The following RAMP1 variants were observed in gnomAD, a reference collection of about 807,000 sequenced individuals.
The protein encoded by RAMP1 is receptor activity modifying protein 1.
RAMP1 carries 7 observed loss-of-function variants against 8.2 expected under a neutral mutation model. The observed-to-expected ratio is 0.85, with a 90% CI of 0.49 to 1.60. The LOEUF (loss-of-function observed/expected upper bound fraction) is 1.60. RAMP1 is among the 40% of genes most tolerant of loss of function. The pLI, the probability that RAMP1 is intolerant of heterozygous loss-of-function variation, is 0.00. For synonymous variants in RAMP1, 92 were observed against 84.7 expected (o/e 1.09, Z -0.47); for missense variants, 192 against 202.4 (o/e 0.95, Z 0.31).
chr2:237,902,486 G>A (rs978526197), intron 2 of RAMP1, among the ~76,000 whole-genome samples: 2 of 152,032 alleles, frequency 1.3e-5, no homozygotes, highest in Admixed American at 6.5e-5. Flanking sequence ...GGGGAACACA[G>A]CGAGGAGGAA....
intron 2 of RAMP1, among the ~76,000 whole-genome samples, chr2:237,903,369 T>C (rs1387063657): frequency 6.6e-6 from 1 of 152,232 alleles, no homozygotes; most frequent in African/African-American, 2.4e-5. Flanking sequence ...TTCCCAGTAA[T>C]GCAATTACGG....
At chr2:237,897,965 A>G (rs547331302) in intron 2 of RAMP1, among the ~76,000 whole-genome samples, 8 of 152,018 alleles carry the variant, frequency 5.3e-5, no homozygotes, top group African/African-American at 1.9e-4. Context: ...CGCCCAGCTA[A>G]TTTTTGTATT....
chr2:237,900,018 CTTTT>C (rs899382544), intron 2 of RAMP1, among the ~76,000 whole-genome samples: 18 of 152,162 alleles, frequency 1.2e-4, no homozygotes, highest in Admixed American at 1.1e-3. Flanking sequence ...GGAATTCCTC[CTTTT>C]TAAGTCGATA....
In RAMP1 at chr2:237,877,496, G is replaced by T. The variant is rs908742471; in HGVS notation, c.191+134G>T. On this transcript the variant is annotated intron_variant, in intron 2 of 2. Transcript: ENST00000254661. The surrounding 1 kb of genome is among the most constrained non-coding windows in gnomAD (Gnocchi z 4.4). ...GAAGGGTTCTTCCCCCAGTGGGGGG[G>T]GCCGGGATGAAGACAGAGGAGGGAG... 8.9e-6 allele frequency: 11 copies of T among 1,239,296 alleles called. No homozygotes were observed. Among genetic ancestry groups the T allele is most frequent in the Non-Finnish European group, 5.5e-6 (5 of 915,216 alleles). 76.8% of individuals were successfully genotyped at this position (1,239,296 alleles called of 1,614,324 possible).
chr2:237,861,944 T>A (rs2062137132), intron 1 of RAMP1, among the ~76,000 whole-genome samples: 1 of 152,166 alleles, frequency 6.6e-6, no homozygotes, highest in Non-Finnish European at 1.5e-5. Flanking sequence ...ACATGCATTC[T>A]GAAAAGTTTG....
chr2:237,900,366 G>A (rs534775601), intron 2 of RAMP1, among the ~76,000 whole-genome samples: 27 of 152,234 alleles, frequency 1.8e-4, no homozygotes, highest in African/African-American at 6.3e-4. Context: ...TCGCCATGCT[G>A]CCCCGGCTGG....
chr2:237,867,463 A>G (rs1167666384), intron 1 of RAMP1, among the ~76,000 whole-genome samples: 9 of 86,502 alleles, frequency 1.0e-4, no homozygotes, highest in African/African-American at 4.2e-4. Flanking sequence ...TTGGGGCCAG[A>G]TGCTTTTTTA....
chr2:237,860,054 ACGCGGG>A, intron 1 of RAMP1: 1 of 218,576 alleles, frequency 4.6e-6, no homozygotes, highest in Admixed American at 5.9e-5. Context: ...GAAAAACAGG[ACGCGGG>A]GTTCCCCAGC....
intron 2 of RAMP1, among the ~76,000 whole-genome samples, chr2:237,901,781 C>T (rs143273052): frequency 2.6e-4 from 40 of 152,136 alleles, no homozygotes; most frequent in Middle Eastern, 3.4e-3. Flanking sequence ...GAGTGGAGGG[C>T]GGTGGAGGGG....
chr2:237,887,425 C>G (rs2062445310), intron 2 of RAMP1, among the ~76,000 whole-genome samples: 2 of 152,220 alleles, frequency 1.3e-5, no homozygotes, highest in Admixed American at 6.5e-5. Context: ...CACAGGGTGC[C>G]CTTTGGGATG....
chr2:237,882,211 G>T (rs367704628), intron 2 of RAMP1, among the ~76,000 whole-genome samples: 2 of 152,220 alleles, frequency 1.3e-5, no homozygotes, highest in African/African-American at 4.8e-5. Flanking sequence ...CACTTGGCCC[G>T]TGCCTTCTTA....
chr2:237,896,037 G>A (rs1481733222), intron 2 of RAMP1, among the ~76,000 whole-genome samples: 2 of 152,140 alleles, frequency 1.3e-5, no homozygotes, highest in African/African-American at 2.4e-5. Context: ...CTCAGCACCC[G>A]GCCCACAATG....
chr2:237,894,591 C>T (rs916511334), intron 2 of RAMP1, among the ~76,000 whole-genome samples: 14 of 152,174 alleles, frequency 9.2e-5, no homozygotes, highest in African/African-American at 3.1e-4. Flanking sequence ...ATGGACCTGG[C>T]TAGGGGGTGA....
intron 2 of RAMP1, among the ~76,000 whole-genome samples, chr2:237,889,572 T>C (rs2062468844): frequency 6.6e-6 from 1 of 152,236 alleles, no homozygotes; most frequent in Non-Finnish European, 1.5e-5. Context: ...TTTCCTACAA[T>C]TTAGAAGGCC....
rs1167050210 is a variant in RAMP1 at position 237,877,675 on chromosome 2, G to T, written c.191+313G>T. ...CGCCTGGGGAATGACTGAGAGTAGGGTCTCATGCCCAGGGTGGCCGGGTCT... is the reference window on the plus strand; with the variant it reads ...CGCCTGGGGAATGACTGAGAGTAGGTTCTCATGCCCAGGGTGGCCGGGTCT... On this transcript the variant is annotated intron_variant, in intron 2 of 2. Transcript: ENST00000254661. The surrounding 1 kb of genome is among the most constrained non-coding windows in gnomAD (Gnocchi z 4.4). Among the ~76,000 whole-genome samples, 2 of 152,152 alleles carry T rather than the reference G, an allele frequency of 1.3e-5. No homozygotes were observed. The highest frequency in any genetic ancestry group is 2.4e-5 in the African/African-American group (1 of 41,440).
chr2:237,895,744 G>A (rs1347050879), intron 2 of RAMP1, among the ~76,000 whole-genome samples: 2 of 152,026 alleles, frequency 1.3e-5, no homozygotes, highest in Non-Finnish European at 2.9e-5. Flanking sequence ...GGCTGGGGCT[G>A]AGACCAGGGG....
At chr2:237,882,330 CCTTAA>C (rs2062378191) in intron 2 of RAMP1, among the ~76,000 whole-genome samples, 1 of 152,192 alleles carries the variant, frequency 6.6e-6, no homozygotes, top group East Asian at 1.9e-4. Context: ...CCTAATTATC[CCTTAA>C]CTTAGTCCAA....
chr2:237,903,004 G>A (rs955818762), intron 2 of RAMP1, among the ~76,000 whole-genome samples: 7 of 152,042 alleles, frequency 4.6e-5, no homozygotes, highest in Non-Finnish European at 4.4e-5. Context: ...GGTCTAACCT[G>A]CTGCTGCTTT....
At chr2:237,909,914 A>C (rs2062692569) in intron 2 of RAMP1, among the ~76,000 whole-genome samples, 1 of 152,014 alleles carries the variant, frequency 6.6e-6, no homozygotes, top group South Asian at 2.1e-4. Flanking sequence ...AAATTCCTGG[A>C]GCAGAGGGGA....
Sources: gnomAD v4.1 joint callset for allele counts (sites outside exome capture counted in the v4.1 genomes callset) on GRCh38, gnomAD v4.1.1 for gene constraint, Gnocchi (gnomAD v3.1) non-coding constraint, MANE v1.5 for transcripts, NCBI Gene and HGNC (gene_info 2026-07-23, HGNC 2026-07-21) for gene names.